ASIC2: variants seen among roughly 807,000 people sequenced by gnomAD.
ASIC2 encodes the protein acid-sensing ion channel 2.
Under a neutral mutation model 57.3 loss-of-function variants are expected in ASIC2, and 25 were observed. The ratio of observed to expected loss-of-function variants is 0.44; its 90% CI spans 0.32 to 0.61. The LOEUF is 0.61. Among genes scored for constraint, ASIC2 ranks in the 20% least tolerant of loss-of-function variants. The pLI is 0.06. For missense variants in ASIC2, 641 were observed against 738.1 expected (o/e 0.87, Z 1.52); for synonymous variants, 319 against 307.5 (o/e 1.04, Z -0.39).
chr17:33,128,560 G>A (rs2092333578), intron 1 of ASIC2, among the ~76,000 whole-genome samples: 1 of 152,218 alleles, frequency 6.6e-6, no homozygotes, highest in African/African-American at 2.4e-5. Context: ...GAATTTCCAT[G>A]TAGTTGTAAC....
intron 1 of ASIC2, among the ~76,000 whole-genome samples, chr17:34,119,840 T>C (rs1911548786): frequency 1.3e-5 from 2 of 152,230 alleles, no homozygotes; most frequent in Admixed American, 1.3e-4. Flanking sequence ...CAGTTTGTTT[T>C]GAAGTCCCCC....
At chr17:33,960,783 G>C (rs1424812092) in intron 1 of ASIC2, among the ~76,000 whole-genome samples, 1 of 152,088 alleles carries the variant, frequency 6.6e-6, no homozygotes, top group African/African-American at 2.4e-5. Flanking sequence ...CCCCATCACT[G>C]CCAGGGCTCC....
At chr17:33,164,194 G>T (rs537968075) in intron 1 of ASIC2, among the ~76,000 whole-genome samples, 1 of 152,164 alleles carries the variant, frequency 6.6e-6, no homozygotes, top group Non-Finnish European at 1.5e-5. Context: ...AGCCCCAAGG[G>T]TGCGTCTGGT....
At chr17:33,253,639 C>T (rs1006633678) in intron 1 of ASIC2, among the ~76,000 whole-genome samples, 3 of 152,202 alleles carry the variant, frequency 2.0e-5, no homozygotes, top group Admixed American at 1.3e-4. Context: ...ATGGCCCAGG[C>T]AGCCAGAGGC....
At chr17:33,682,462 G>A (rs1597833833) in intron 1 of ASIC2, among the ~76,000 whole-genome samples, 1 of 152,010 alleles carries the variant, frequency 6.6e-6, no homozygotes, top group South Asian at 2.1e-4. Context: ...GAAGACCTGC[G>A]TGCGGCCTCT....
intron 1 of ASIC2, among the ~76,000 whole-genome samples, chr17:33,959,227 G>C (rs970333325): frequency 6.6e-6 from 1 of 152,128 alleles, no homozygotes; most frequent in African/African-American, 2.4e-5. Context: ...ATCTTCTTCA[G>C]AGCCCTCCAA....
chr17:33,930,970 G>A (rs531240786), intron 1 of ASIC2, among the ~76,000 whole-genome samples: 19 of 152,304 alleles, frequency 1.2e-4, no homozygotes, highest in African/African-American at 4.6e-4. Flanking sequence ...CCAGGCTGGA[G>A]TGCAGTGGCA....
At position 33,564,031 on chromosome 17, in the gene ASIC2, A is replaced by C. The variant is rs1198617785; in HGVS notation, c.556-451964T>G. On this transcript the variant is annotated intron_variant, in intron 1 of 9. Coordinates refer to the ASIC2 transcript ENST00000359872. The stretch of plus-strand genomic sequence containing the variant: ...CCATAGTCCTGACACTGGAACCAGG[A>C]GCTCCCTGCAGGAAGTCACATATTC... Among the ~76,000 whole-genome samples the C allele has an allele frequency of 2.0e-5, 3 of 152,192 alleles. No individual in the cohort carries two copies. In the East Asian group the frequency reaches 5.8e-4, roughly 29 times the overall value.
intron 1 of ASIC2, among the ~76,000 whole-genome samples, chr17:33,220,581 TTATC>T (rs1907652760): frequency 6.6e-6 from 1 of 152,212 alleles, no homozygotes; most frequent in Non-Finnish European, 1.5e-5. Context: ...TTCAATGTCT[TTATC>T]TATGGAAAAA....
chr17:33,403,772 C>G lies in ASIC2; in HGVS notation c.556-291705G>C, dbSNP rs1005838530. Among the ~76,000 whole-genome samples the G allele has an allele frequency of 6.6e-5, 10 of 152,100 alleles. No individual in the cohort carries two copies. The East Asian group carries it at 1.9e-3, about 29-fold the overall frequency. ...TACTTCTATTAAAGAATCTTGTAAA[C>G]CTAAAGCTAGCAGAAACCTTGGCAA... On this transcript the variant is annotated intron_variant, in intron 1 of 9. Transcript: ENST00000359872.
intron 1 of ASIC2, among the ~76,000 whole-genome samples, chr17:33,476,535 A>G (rs1052039282): frequency 3.2e-5 from 3 of 95,076 alleles, no homozygotes; most frequent in African/African-American, 9.2e-5. Flanking sequence ...ATATATATAT[A>G]TGTACAGGGG....
At position 33,834,958 on chromosome 17, in the gene ASIC2, TA is replaced by T. The variant is rs537806855; in HGVS notation, c.555+321019del. 4.8e-3 allele frequency among the ~76,000 whole-genome samples: 737 copies of T among 152,276 alleles called. 6 individuals carry two copies. The highest frequency in any genetic ancestry group is 0.017 in the African/African-American group (712 of 41,568). On this transcript the variant is annotated intron_variant, in intron 1 of 9. Transcript: ENST00000359872. ...ATAGTAAAAGGAAAAGGGGGTAAAA[TA>T]AATAACTGTGTTTGGCGTGCTCATT...
chr17:33,877,236 G>A (rs1914570461), intron 1 of ASIC2, among the ~76,000 whole-genome samples: 3 of 152,168 alleles, frequency 2.0e-5, no homozygotes, highest in South Asian at 2.1e-4. Context: ...CTGAGGTACC[G>A]GGTTCATCTC....
At chr17:34,109,518 T>C (rs1911191429) in intron 1 of ASIC2, among the ~76,000 whole-genome samples, 1 of 152,134 alleles carries the variant, frequency 6.6e-6, no homozygotes, top group African/African-American at 2.4e-5. Context: ...TTCACTGATA[T>C]GGGTAAAAAA....
chr17:34,115,227 C>T (rs963987358), intron 1 of ASIC2, among the ~76,000 whole-genome samples: 2 of 152,180 alleles, frequency 1.3e-5, no homozygotes, highest in Non-Finnish European at 2.9e-5. Context: ...AACCTGTCAA[C>T]AATTAGAGCA....
At chr17:33,555,988 T>C (rs1391485839) in intron 1 of ASIC2, among the ~76,000 whole-genome samples, 2 of 152,180 alleles carry the variant, frequency 1.3e-5, no homozygotes, top group African/African-American at 4.8e-5. Flanking sequence ...GATCTGTTGA[T>C]CATAGCCCAA....
At chr17:33,264,639 T>C (rs1266496951) in intron 1 of ASIC2, among the ~76,000 whole-genome samples, 1 of 152,212 alleles carries the variant, frequency 6.6e-6, no homozygotes, top group Non-Finnish European at 1.5e-5. Flanking sequence ...CCCAGAACAA[T>C]GTCAGATCAA....
intron 3 of ASIC2, among the ~76,000 whole-genome samples, chr17:33,035,073 G>A (rs959134571): frequency 2.6e-5 from 4 of 151,898 alleles, no homozygotes; most frequent in African/African-American, 9.7e-5. Context: ...CTCAAGTTTG[G>A]CATTCATTTA....
intron 1 of ASIC2, among the ~76,000 whole-genome samples, chr17:33,259,122 T>C (rs970038411): frequency 1.3e-5 from 2 of 152,134 alleles, no homozygotes; most frequent in African/African-American, 2.4e-5. Context: ...AGGGTTGATA[T>C]GAAAAGTGGC....
Sources: gnomAD v4.1 joint callset for allele counts (sites outside exome capture counted in the v4.1 genomes callset) on GRCh38, gnomAD v4.1.1 for gene constraint, MANE v1.5 for transcripts, NCBI Gene and HGNC (gene_info 2026-07-23, HGNC 2026-07-21) for gene names.